Variants in PROKR2 observed in about 807,000 individuals in gnomAD.
The protein encoded by PROKR2 is prokineticin receptor 2.
Under a neutral mutation model 23.4 loss-of-function variants are expected in PROKR2, and 26 were observed. The observed-to-expected ratio is 1.11, with a 90% CI of 0.81 to 1.54. PROKR2 has a LOEUF of 1.54. Ranked by LOEUF, PROKR2 falls within the 40% of genes most tolerant of loss-of-function variation. The pLI is 0.00. For synonymous variants in PROKR2, 212 were observed against 201.2 expected, an observed-to-expected ratio of 1.05 and a Z score of -0.45; for missense variants, 453 against 511.5, an observed-to-expected ratio of 0.89 and a Z score of 1.10.
Position 5,300,465 on chromosome 20 carries a change from G to A in PROKR2, c.*1575C>T, listed in dbSNP as rs1978943527. On this transcript the variant is annotated 3_prime_UTR_variant, in exon 3 of 3. Coordinates refer to ENST00000678254, the MANE Select transcript of PROKR2 (RefSeq NM_144773.4). Reference sequence around the variant, plus strand: ...GGGTATTTCTCTAATAAATCACAGTGGATGGGGTTTCCAAATAAACTCCCT... The same window carrying A: ...GGGTATTTCTCTAATAAATCACAGTAGATGGGGTTTCCAAATAAACTCCCT... Among the ~76,000 whole-genome samples, 1 of 152,166 alleles carries A rather than the reference G, an allele frequency of 6.6e-6. No individual in the cohort carries two copies. Among genetic ancestry groups the A allele is most frequent in the Admixed American group, 6.5e-5 (1 of 15,268 alleles).
chr20:5,300,121 C>A lies in PROKR2; in HGVS notation c.*1919G>T, dbSNP rs1382118195. On this transcript the variant is annotated 3_prime_UTR_variant, in exon 3 of 3. Transcript: ENST00000678254. Reference sequence around the variant, plus strand: ...GGTTGGGTCAGTCCCAAACCAGGTACCATTTGCATAGCTACCACATCAAAA... The same window carrying A: ...GGTTGGGTCAGTCCCAAACCAGGTAACATTTGCATAGCTACCACATCAAAA... 6.6e-6 allele frequency among the ~76,000 whole-genome samples: 1 copy of A among 152,188 alleles called. No individual in the cohort carries two copies. Among genetic ancestry groups the A allele is most frequent in the African/African-American group, 2.4e-5 (1 of 41,446 alleles).
At chr20:5,307,259 G>C (rs6116743) in intron 2 of PROKR2, among the ~76,000 whole-genome samples, 1 of 152,148 alleles carries the variant, frequency 6.6e-6, no homozygotes, top group African/African-American at 2.4e-5. Flanking sequence ...GTTACAATGA[G>C]TAATTTAATG....
At chr20:5,310,499 T>C (rs13043050) in intron 2 of PROKR2, among the ~76,000 whole-genome samples, 77,266 of 151,652 alleles carry the variant, frequency 0.51, 19,971 homozygotes, top group African/African-American at 0.61. Flanking sequence ...ATCAGCATAA[T>C]TGGGGCAAAG....
rs766540036 is a variant in PROKR2, at chr20:5,314,001, A to G, written c.369T>C (p.His123=). 2 of 1,614,188 alleles carry G rather than the reference A, an allele frequency of 1.2e-6. No homozygotes were observed. The highest frequency in any genetic ancestry group is 1.7e-6 in the Non-Finnish European group (2 of 1,180,026). ...TGACGGAGGCACAGAGCACGTGGCCATGCTCCCAGGAGAGCTGCCGTACCA... is the reference window on the plus strand; with the variant it reads ...TGACGGAGGCACAGAGCACGTGGCCGTGCTCCCAGGAGAGCTGCCGTACCA... ...YYVVRQLSWE[H]GHVLCASVNY... The change falls in exon 2 of 3, where the codon CAT becomes CAC. Residue 123 remains histidine (H), a synonymous_variant. Coordinates refer to ENST00000678254, the MANE Select transcript of PROKR2 (RefSeq NM_144773.4).
At position 5,302,689 on chromosome 20, in the gene PROKR2, G is replaced by C. The variant is rs527771034; in HGVS notation, c.506C>G (p.Thr169Arg). The C allele has an allele frequency of 6.2e-7, 1 of 1,614,078 alleles. No individual in the cohort carries two copies. The highest frequency in any genetic ancestry group is 8.5e-7 in the Non-Finnish European group (1 of 1,180,028). Residue 169 changes from threonine (T) to arginine (R), a missense_variant, in exon 3 of 3, where the codon ACG becomes AGG. Coordinates refer to ENST00000678254, the MANE Select transcript of PROKR2 (RefSeq NM_144773.4). ...HPLKPRMNYQ[T>R]ASFLIALVWM... ...GACCAAGGCGATCAGGAAGGAGGCCGTTTGATAATTCATCCGTGGTTTCAA... is the reference window on the plus strand; with the variant it reads ...GACCAAGGCGATCAGGAAGGAGGCCCTTTGATAATTCATCCGTGGTTTCAA...
intron 2 of PROKR2, among the ~76,000 whole-genome samples, chr20:5,312,776 C>A (rs778169640): frequency 1.3e-5 from 2 of 152,174 alleles, no homozygotes; most frequent in Non-Finnish European, 2.9e-5. Flanking sequence ...AGAAGGTGAC[C>A]ACTGCCCCCT....
At chr20:5,304,027 G>A (rs143283162) in intron 2 of PROKR2, among the ~76,000 whole-genome samples, 1,534 of 152,234 alleles carry the variant, frequency 0.01, 8 homozygotes, top group Non-Finnish European at 0.016. Context: ...AAGCTAAAGC[G>A]GCAAAGGAGG....
In PROKR2 at chr20:5,301,690, T is replaced by G. The variant is rs927106; in HGVS notation, c.*350A>C. On this transcript the variant is annotated 3_prime_UTR_variant, in exon 3 of 3. Coordinates refer to ENST00000678254, the MANE Select transcript of PROKR2 (RefSeq NM_144773.4). ...GATTGTAATCAAATCAAGTGTTTTT[T>G]ATTACAGTAGGTGAAGAGTAAATGT... is the stretch of plus-strand genomic sequence containing the variant. Among the ~76,000 whole-genome samples the G allele has an allele frequency of 0.73, 110,874 of 152,148 alleles. 40,413 individuals are homozygous for G. The highest frequency in any genetic ancestry group is 0.77 in the South Asian group (3,712 of 4,826).
In PROKR2 at chr20:5,316,028, C is replaced by A; in HGVS notation, c.-9+466G>T. On this transcript the variant is annotated intron_variant, in intron 1 of 2. Coordinates refer to ENST00000678254, the MANE Select transcript of PROKR2 (RefSeq NM_144773.4). This position sits in a 1 kb window ranked among gnomAD's most constrained non-coding sequence, Gnocchi z 5.0. The stretch of plus-strand genomic sequence containing the variant: ...ACTGTCGGCGTCTAGAGGCGACATC[C>A]TGGCAAAGACAGGAATCAAGTCAGA... 1 of 456,758 alleles carries A rather than the reference C, an allele frequency of 2.2e-6. No homozygotes were observed. The highest frequency in any genetic ancestry group is 4.4e-6 in the Non-Finnish European group (1 of 226,974). 28.3% of individuals were successfully genotyped at this position (456,758 alleles called of 1,614,324 possible).
intron 2 of PROKR2, among the ~76,000 whole-genome samples, chr20:5,304,983 A>G (rs552563232): frequency 3.3e-5 from 5 of 152,298 alleles, no homozygotes; most frequent in African/African-American, 9.6e-5. Flanking sequence ...GAAATACTCT[A>G]TTTCCTGGAG....
chr20:5,302,569 C>T lies in PROKR2; in HGVS notation c.626G>A (p.Gly209Asp), dbSNP rs1979042559. ...CTGCTGATCCACAGGCCAGATCTGGCCACAGAAGATCTTCTCCTGGCTCTT... is the reference window on the plus strand; with the variant it reads ...CTGCTGATCCACAGGCCAGATCTGGTCACAGAAGATCTTCTCCTGGCTCTT... ...IVKSQEKIFCGQIWPVDQQLY... is the reference protein window; with the variant it reads ...IVKSQEKIFCDQIWPVDQQLY... Residue 209 changes from glycine to aspartate, a missense_variant, in exon 3 of 3, where the codon GGC (glycine) becomes GAC (aspartate). Physicochemically the swap from Gly to Asp is moderately conservative, Grantham distance 94. Transcript: ENST00000678254. 6.2e-7 allele frequency: 1 copy of T among 1,614,078 alleles called. No individual in the cohort carries two copies. The highest frequency in any genetic ancestry group is 8.5e-7 in the Non-Finnish European group (1 of 1,180,050).
Position 5,300,516 on chromosome 20 carries a change from C to T in PROKR2, c.*1524G>A, listed in dbSNP as rs1978944374. On this transcript the variant is annotated 3_prime_UTR_variant, in exon 3 of 3. Coordinates refer to ENST00000678254, the MANE Select transcript of PROKR2 (RefSeq NM_144773.4). ...CCAAATAAACTGTTCAATATCACTT[C>T]TCCATTCTTATCGTGTGCACAGTTG... Among the ~76,000 whole-genome samples, 1 of 152,220 alleles carries T rather than the reference C, an allele frequency of 6.6e-6. No individual in the cohort carries two copies. Among genetic ancestry groups the T allele is most frequent in the Non-Finnish European group, 1.5e-5 (1 of 68,050 alleles).
Position 5,305,177 on chromosome 20 carries a change from G to A in PROKR2, c.459-2441C>T, listed in dbSNP as rs557374842. Among the ~76,000 whole-genome samples the A allele has an allele frequency of 3.0e-4, 46 of 152,358 alleles. 1 individual carries two copies. The highest frequency in any genetic ancestry group is 2.6e-3 in the Admixed American group (40 of 15,308). ...TTGAGAAAGATGGGAACCTGATTTC[G>A]GAAAACACCATGAGCGGCCCGTCCC... On this transcript the variant is annotated intron_variant, in intron 2 of 2. Coordinates refer to ENST00000678254, the MANE Select transcript of PROKR2 (RefSeq NM_144773.4).
rs929147404 is a variant in PROKR2, at chr20:5,300,389, C to A, written c.*1651G>T. Among the ~76,000 whole-genome samples, 2 of 152,180 alleles carry A rather than the reference C, an allele frequency of 1.3e-5. No homozygotes were observed. The highest frequency in any genetic ancestry group is 2.9e-5 in the Non-Finnish European group (2 of 68,032). ...TTTGGCCCACTGTAGACAAGGTACACTGTGAAGTCTTCAGGAGTCTTTCAT... is the reference window on the plus strand; with the variant it reads ...TTTGGCCCACTGTAGACAAGGTACAATGTGAAGTCTTCAGGAGTCTTTCAT... On this transcript the variant is annotated 3_prime_UTR_variant, in exon 3 of 3. Coordinates refer to ENST00000678254, the MANE Select transcript of PROKR2 (RefSeq NM_144773.4).
chr20:5,305,874 C>T (rs1034975835), intron 2 of PROKR2, among the ~76,000 whole-genome samples: 1 of 152,174 alleles, frequency 6.6e-6, no homozygotes, highest in South Asian at 2.1e-4. Context: ...TGGGACTATT[C>T]AACCAATTAT....
intron 2 of PROKR2, among the ~76,000 whole-genome samples, chr20:5,306,591 C>A (rs966206287): frequency 6.6e-6 from 1 of 151,482 alleles, no homozygotes; most frequent in Non-Finnish European, 1.5e-5. Context: ...GTTTTCCAGA[C>A]GCCCTATACT....
In PROKR2 at chr20:5,313,893, C is replaced by T. The variant is rs1979538690; in HGVS notation, c.458+19G>A. On this transcript the variant is annotated intron_variant, in intron 2 of 2. Coordinates refer to ENST00000678254, the MANE Select transcript of PROKR2 (RefSeq NM_144773.4). ...CAGCCTGGCCCAGCCCCACCACTCACCCCACCCACCATCCTCACCTGTCAA... is the reference window on the plus strand; with the variant it reads ...CAGCCTGGCCCAGCCCCACCACTCATCCCACCCACCATCCTCACCTGTCAA... 2 of 1,607,606 alleles carry T rather than the reference C, an allele frequency of 1.2e-6. No homozygotes were observed. Among genetic ancestry groups the T allele is most frequent in the Non-Finnish European group, 1.7e-6 (2 of 1,174,474 alleles).
chr20:5,315,746 G>A, intron 1 of PROKR2: 2 of 420,732 alleles, frequency 4.8e-6, no homozygotes, highest in Non-Finnish European at 9.6e-6. Context: ...AATCCCAGTG[G>A]CGTCCACACC....
Position 5,302,742 on chromosome 20 carries a change from G to C in PROKR2, c.459-6C>G, listed in dbSNP as rs1327256238. 1 of 1,609,686 alleles carries C rather than the reference G, an allele frequency of 6.2e-7. No individual in the cohort carries two copies. Among genetic ancestry groups the C allele is most frequent in the Non-Finnish European group, 8.5e-7 (1 of 1,176,160 alleles). ...GGTGAACGATGGCGAGATATCTGGTGGGGGAGGGAAGCCAACAGTAGTAAT... is the reference window on the plus strand; with the variant it reads ...GGTGAACGATGGCGAGATATCTGGTCGGGGAGGGAAGCCAACAGTAGTAAT... On this transcript the variant is annotated splice_region_variant and splice_polypyrimidine_tract_variant and intron_variant, in intron 2 of 2. Transcript: ENST00000678254.
Sources: allele counts gnomAD v4.1 joint callset (sites outside exome capture counted in the v4.1 genomes callset), GRCh38; gene constraint gnomAD v4.1.1; non-coding constraint Gnocchi (gnomAD v3.1); transcripts MANE v1.5; gene names NCBI Gene and HGNC (gene_info 2026-07-23, HGNC 2026-07-21).